The following C6orf89 variants were observed in gnomAD, a reference collection of about 807,000 sequenced individuals.
C6orf89 encodes bombesin receptor-activated protein C6orf89.
C6orf89 carries 29 observed loss-of-function variants against 40.7 expected under a neutral mutation model. The observed-to-expected ratio is 0.71, with a 90% CI of 0.53 to 0.97. C6orf89 has a LOEUF of 0.97. Ranked by LOEUF, C6orf89 falls within the 50% of genes least tolerant of loss-of-function variation. The pLI is 0.00. For missense variants in C6orf89, 392 were observed against 429.1 expected, an observed-to-expected ratio of 0.91 and a Z score of 0.76; for synonymous variants, 165 against 152.2, an observed-to-expected ratio of 1.08 and a Z score of -0.62.
intron 6 of C6orf89, among the ~76,000 whole-genome samples, chr6:36,915,761 G>A (rs983981172): frequency 6.6e-6 from 1 of 151,840 alleles, no homozygotes; most frequent in African/African-American, 2.4e-5. Flanking sequence ...GGGAAACAGA[G>A]AGATTAAGTA....
intron 4 of C6orf89, among the ~76,000 whole-genome samples, chr6:36,909,403 G>A (rs1762042592): frequency 6.6e-6 from 1 of 151,936 alleles, no homozygotes; most frequent in African/African-American, 2.4e-5. Flanking sequence ...CATTGACACT[G>A]GATGTTGTCA....
At chr6:36,886,753 C>G (rs1775005441) in intron 1 of C6orf89, among the ~76,000 whole-genome samples, 1 of 152,188 alleles carries the variant, frequency 6.6e-6, no homozygotes, top group Admixed American at 6.5e-5. Context: ...TCTGATGGCT[C>G]ATTTGGTAGT....
chr6:36,901,847 A>G (rs1743924943), intron 3 of C6orf89, among the ~76,000 whole-genome samples: 1 of 148,386 alleles, frequency 6.7e-6, no homozygotes, highest in Admixed American at 6.8e-5. Context: ...ATTTTTTTGT[A>G]TTTTTAGTAG....
At chr6:36,921,978 T>C (rs555040560) in intron 8 of C6orf89, among the ~76,000 whole-genome samples, 21 of 152,234 alleles carry the variant, frequency 1.4e-4, no homozygotes, top group African/African-American at 4.8e-4. Context: ...CAGTGAGCTA[T>C]GACTGCACCG....
intron 1 of C6orf89, among the ~76,000 whole-genome samples, chr6:36,893,225 C>T (rs113359060): frequency 0.013 from 1,992 of 152,104 alleles, 53 homozygotes; most frequent in African/African-American, 0.046. Flanking sequence ...TGAGCCACCG[C>T]GCCCGGCCTT....
At chr6:36,920,880 A>T (rs1762486392) in intron 8 of C6orf89, among the ~76,000 whole-genome samples, 1 of 152,180 alleles carries the variant, frequency 6.6e-6, no homozygotes, top group African/African-American at 2.4e-5. Flanking sequence ...CAAATGCCTA[A>T]CAATTCAGAC....
In C6orf89 at chr6:36,885,999, GGAGGAGCCCGAGGGGCGC is replaced by G. The variant is rs1774966035; in HGVS notation, c.-145_-128del. 9.0e-7 allele frequency: 1 copy of G among 1,114,284 alleles called. No individual in the cohort carries two copies. The highest frequency in any genetic ancestry group is 3.7e-5 in the East Asian group (1 of 26,728). The allele number at this position is 1,114,284 out of a possible 1,614,324, so 69.0% of individuals were successfully genotyped here. A position where few individuals can be genotyped will look rare whatever the true frequency, so the allele number is the denominator to read the frequency against. On this transcript the variant is annotated 5_prime_UTR_variant, in exon 1 of 9. Transcript: ENST00000480824. ...CCCGGCGGCAGCTGTCCCCGAGGCG[GGAGGAGCCCGAGGGGCGC>G]GAGCCCCGCATGTGAGTGACTGGGG...
At chr6:36,912,664 C>T (rs772398490) in intron 4 of C6orf89, among the ~76,000 whole-genome samples, 11 of 152,150 alleles carry the variant, frequency 7.2e-5, no homozygotes, top group Non-Finnish European at 1.6e-4. Context: ...CAGGGTGTAG[C>T]GGTAATCCTC....
rs867615120 is a variant in C6orf89, at chr6:36,897,148, A to G, written c.-19-2278A>G. ...CTGTCTCAAAAAAAAAAAAAAAAAA[A>G]AAAGAAAAGAAAGAAAGGTCCAACT... is the stretch of plus-strand genomic sequence containing the variant. On this transcript the variant is annotated intron_variant, in intron 2 of 8. Transcript: ENST00000480824. Among the ~76,000 whole-genome samples, 309 of 151,016 alleles carry G rather than the reference A, an allele frequency of 2.0e-3. 1 individual carries two copies. The highest frequency in any genetic ancestry group is 0.017 in the Middle Eastern group (5 of 290).
In C6orf89 at chr6:36,897,374, A is replaced by G. The variant is rs1404815104; in HGVS notation, c.-19-2052A>G. 2.6e-5 allele frequency among the ~76,000 whole-genome samples: 4 copies of G among 152,174 alleles called. No individual in the cohort carries two copies. The South Asian group carries it at 8.3e-4, about 32-fold the overall frequency. On this transcript the variant is annotated intron_variant, in intron 2 of 8. Coordinates refer to ENST00000480824, the MANE Select transcript of C6orf89 (RefSeq NM_001286635.2). The stretch of plus-strand genomic sequence containing the variant: ...CAAAAAATCATCCCTCTGTATATGT[A>G]TATGCAGTTTTTGCACCCTGAAAAT...
At chr6:36,875,184 G>C (rs1236981577) in intron 1 of C6orf89, among the ~76,000 whole-genome samples, 2 of 152,162 alleles carry the variant, frequency 1.3e-5, no homozygotes, top group East Asian at 3.8e-4. Flanking sequence ...GAATGAAAGA[G>C]GGTAGTTTAG....
chr6:36,883,814 C>T (rs1421677403), upstream of C6orf89, among the ~76,000 whole-genome samples: 1 of 152,206 alleles, frequency 6.6e-6, no homozygotes, highest in Non-Finnish European at 1.5e-5. Flanking sequence ...ATAATAGGCT[C>T]TACAGCAAAT....
chr6:36,903,760 A>G (rs1347107055), intron 4 of C6orf89, among the ~76,000 whole-genome samples: 2 of 152,210 alleles, frequency 1.3e-5, no homozygotes, highest in Non-Finnish European at 2.9e-5. Flanking sequence ...ATTTTTGTAT[A>G]CTTGAGGAAG....
intron 4 of C6orf89, among the ~76,000 whole-genome samples, chr6:36,911,940 C>CA (rs939361685): frequency 1.4e-5 from 2 of 148,102 alleles, no homozygotes; most frequent in African/African-American, 5.0e-5. Flanking sequence ...ACCCCCCCCC[C>CA]CCGACCTTTT....
intron 7 of C6orf89, among the ~76,000 whole-genome samples, chr6:36,917,526 A>G (rs1483473316): frequency 6.6e-6 from 1 of 152,248 alleles, no homozygotes; most frequent in Non-Finnish European, 1.5e-5. Context: ...CCTTCATAAA[A>G]AAATAAATTT....
intron 4 of C6orf89, among the ~76,000 whole-genome samples, chr6:36,914,067 A>G (rs951187317): frequency 9.2e-5 from 14 of 152,214 alleles, no homozygotes; most frequent in Non-Finnish European, 1.5e-5. Context: ...AGGCTGTAGC[A>G]GGAGAATCCC....
Position 36,924,238 on chromosome 6 carries a change from G to C in C6orf89, c.*797G>C. The C allele has an allele frequency of 6.5e-6, 1 of 153,772 alleles. No homozygotes were observed. The highest frequency in any genetic ancestry group is 6.4e-5 in the Admixed American group (1 of 15,576). The allele number at this position is 153,772 out of a possible 1,614,324, so 9.5% of individuals were successfully genotyped here. A position where few individuals can be genotyped will look rare whatever the true frequency, so the allele number is the denominator to read the frequency against. On this transcript the variant is annotated 3_prime_UTR_variant, in exon 9 of 9. Transcript: ENST00000480824. Reference sequence around the variant, plus strand: ...GCCAGAGCCCACTACTGCTGAGGCAGCACTGCTCTCGTCAGCTGTGTTGCC... The same window carrying C: ...GCCAGAGCCCACTACTGCTGAGGCACCACTGCTCTCGTCAGCTGTGTTGCC...
chr6:36,878,666 G>A (rs1486069226), intron 1 of C6orf89, among the ~76,000 whole-genome samples: 1 of 140,910 alleles, frequency 7.1e-6, no homozygotes, highest in Non-Finnish European at 1.6e-5. Flanking sequence ...TTTATAGTCA[G>A]ACAAATTTGA....
intron 1 of C6orf89, among the ~76,000 whole-genome samples, chr6:36,872,182 G>A (rs1251048997): frequency 6.6e-6 from 1 of 151,528 alleles, no homozygotes. Flanking sequence ...CTGATTATCT[G>A]AAACCAATAT....
Sources: gnomAD v4.1 joint callset for allele counts (sites outside exome capture counted in the v4.1 genomes callset) on GRCh38, gnomAD v4.1.1 for gene constraint, MANE v1.5 for transcripts, NCBI Gene and HGNC (gene_info 2026-07-23, HGNC 2026-07-21) for gene names.